The following IFI44L variants were observed in gnomAD, a reference collection of about 807,000 sequenced individuals.
IFI44L encodes the protein interferon-induced protein 44-like.
A neutral mutation model predicts 39.3 loss-of-function variants in IFI44L; 40 were observed. That is an observed-to-expected ratio of 1.02 (90% CI 0.79 to 1.33). IFI44L has a LOEUF of 1.33. IFI44L is among the 40% of genes most tolerant of loss of function. IFI44L has a pLI of 0.00. For missense variants in IFI44L, 623 were observed against 549.0 expected (o/e 1.13, Z -1.35); for synonymous variants, 198 against 182.3 (o/e 1.09, Z -0.69).
At chr1:78,635,967 C>CT (rs772798804) in intron 5 of IFI44L, 3,415 of 122,926 alleles carry the variant, frequency 0.028, 76 homozygotes, top group African/African-American at 0.072. Flanking sequence ...CTCTCTCGGT[C>CT]TTTTTTTTTT....
intron 1 of IFI44L, among the ~76,000 whole-genome samples, chr1:78,625,182 A>G (rs1472745184): frequency 6.6e-6 from 1 of 151,588 alleles, no homozygotes; most frequent in Non-Finnish European, 1.5e-5. Context: ...AGGTTTTGGT[A>G]TCTAAGTTAT....
At chr1:78,638,961 C>CT (rs1653052006) in intron 6 of IFI44L, among the ~76,000 whole-genome samples, 1 of 151,986 alleles carries the variant, frequency 6.6e-6, no homozygotes, top group Non-Finnish European at 1.5e-5. Flanking sequence ...CAAACATATT[C>CT]TGATACTGGT....
At chr1:78,622,896 G>A (rs1481047392) in intron 1 of IFI44L, among the ~76,000 whole-genome samples, 1 of 152,198 alleles carries the variant, frequency 6.6e-6, no homozygotes, top group African/African-American at 2.4e-5. Context: ...AGAAGAGTCT[G>A]CAGCTGTGGC....
chr1:78,625,938 CT>C (rs1195601195), intron 1 of IFI44L: 2 of 151,604 alleles, frequency 1.3e-5, no homozygotes, highest in Non-Finnish European at 3.0e-5. Flanking sequence ...TACTAGTTAT[CT>C]TCTTGTTAAA....
Position 78,635,508 on chromosome 1 carries a change from C to A in IFI44L, c.876+19C>A, listed in dbSNP as rs752483169. 1 of 1,598,258 alleles carries A rather than the reference C, an allele frequency of 6.3e-7. No homozygotes were observed. Among genetic ancestry groups the A allele is most frequent in the Non-Finnish European group, 8.5e-7 (1 of 1,173,468 alleles). On this transcript the variant is annotated intron_variant, in intron 5 of 8. Transcript: ENST00000370751. ...ATATCAGGTAAGATTTCTTCAATAT[C>A]CAAAACATTTCAAATCATTTTCTTC...
At chr1:78,628,870 T>C (rs1250280791) in intron 2 of IFI44L, 81 bp from the exon 3 acceptor site, 3 of 936,338 alleles carry the variant, frequency 3.2e-6, no homozygotes, top group African/African-American at 1.7e-5. Context: ...GAAAACTCCA[T>C]GTCTTATTTC....
intron 4 of IFI44L, among the ~76,000 whole-genome samples, chr1:78,632,793 A>G (rs1358795578): frequency 6.6e-6 from 1 of 152,216 alleles, no homozygotes; most frequent in East Asian, 1.9e-4. Context: ...TTACAGTTAT[A>G]TTCTTTAATC....
chr1:78,623,396 G>T (rs538662912), intron 1 of IFI44L, among the ~76,000 whole-genome samples: 2,674 of 120,338 alleles, frequency 0.022, 49 homozygotes, highest in African/African-American at 0.058. Flanking sequence ...AGTGTTTTTT[G>T]TTTTTTTTTT....
chr1:78,625,742 A>G (rs1017411675), intron 1 of IFI44L: 6 of 151,842 alleles, frequency 4.0e-5, no homozygotes, highest in Non-Finnish European at 7.4e-5. Flanking sequence ...TATATAATTA[A>G]TTTTCAGCCT....
intron 1 of IFI44L, chr1:78,627,075 A>G (rs922591591): frequency 1.3e-5 from 2 of 152,012 alleles, no homozygotes; most frequent in Admixed American, 6.6e-5. Context: ...ACTTTGCTTA[A>G]CTTTTCAGCA....
chr1:78,634,452 A>C (rs1185811317), intron 4 of IFI44L, among the ~76,000 whole-genome samples: 1 of 152,152 alleles, frequency 6.6e-6, no homozygotes, highest in African/African-American at 2.4e-5. Flanking sequence ...AGAAACAAAC[A>C]AACCCATCCA....
rs771986508 is a variant in IFI44L, at chr1:78,629,807, A to C, written c.615A>C (p.Pro205=). 5 of 1,613,708 alleles carry C rather than the reference A, an allele frequency of 3.1e-6. No individual in the cohort carries two copies. In the Admixed American group the frequency reaches 6.7e-5, roughly 22 times the overall value. ...VSEIRILLVG[P]VGSGKSSFFN... is the part of the protein sequence containing the mutation. ...AAATTCGTATTCTTTTGGTGGGTCCAGTTGGGTCTGGAAAGTCCAGTTTTT... is the reference window on the plus strand; with the variant it reads ...AAATTCGTATTCTTTTGGTGGGTCCCGTTGGGTCTGGAAAGTCCAGTTTTT... Residue 205 remains proline (P), a synonymous_variant, in exon 4 of 9, where the codon CCA becomes CCC. Coordinates refer to ENST00000370751, the MANE Select transcript of IFI44L (RefSeq NM_006820.4).
intron 1 of IFI44L, among the ~76,000 whole-genome samples, chr1:78,623,158 A>G (rs953947923): frequency 1.3e-5 from 2 of 152,176 alleles, no homozygotes; most frequent in African/African-American, 4.8e-5. Context: ...TTCCTTTATA[A>G]TTCAGGTACC....
At chr1:78,623,823 G>T (rs1423072457) in intron 1 of IFI44L, among the ~76,000 whole-genome samples, 1 of 152,118 alleles carries the variant, frequency 6.6e-6, no homozygotes, top group Non-Finnish European at 1.5e-5. Flanking sequence ...GAAGAAGATG[G>T]ATACTCCAGC....
At chr1:78,631,208 G>A (rs772674838) in intron 4 of IFI44L, among the ~76,000 whole-genome samples, 2 of 152,106 alleles carry the variant, frequency 1.3e-5, no homozygotes, top group African/African-American at 4.8e-5. Flanking sequence ...TTGCTTAAAA[G>A]ACTCTTTCCT....
intron 1 of IFI44L, chr1:78,626,934 A>G (rs1652512214): frequency 6.6e-6 from 1 of 152,002 alleles, no homozygotes; most frequent in South Asian, 2.1e-4. Flanking sequence ...GTGAGAGCAT[A>G]TGGTTTTTGG....
At chr1:78,640,557 T>G (rs2100395047) in intron 6 of IFI44L, among the ~76,000 whole-genome samples, 1 of 152,266 alleles carries the variant, frequency 6.6e-6, no homozygotes, top group South Asian at 2.1e-4. Flanking sequence ...TTTGATTTGT[T>G]TAGAAGTCAA....
rs377033592 is a variant in IFI44L at position 78,628,948 on chromosome 1, T to C, written c.479-3T>C. On this transcript the variant is annotated splice_polypyrimidine_tract_variant and splice_region_variant and intron_variant, in intron 2 of 8. Transcript: ENST00000370751. Reference sequence around the variant, plus strand: ...TGTATTATGCTATGTTTATTTCCTATAGGAATTAAGGATAACCTAGACGAC... The same window carrying C: ...TGTATTATGCTATGTTTATTTCCTACAGGAATTAAGGATAACCTAGACGAC... The C allele has an allele frequency of 2.6e-6, 4 of 1,542,422 alleles. No individual in the cohort carries two copies. The African/African-American group carries it at 4.1e-5, about 16-fold the overall frequency.
chr1:78,627,825 C>A, intron 1 of IFI44L, 81 bp from the exon 2 acceptor site: 1 of 730,556 alleles, frequency 1.4e-6, no homozygotes, highest in Non-Finnish European at 2.0e-6. Flanking sequence ...ATAAAGAACT[C>A]ACTGAAAGTA....
Sources: allele counts gnomAD v4.1 joint callset (sites outside exome capture counted in the v4.1 genomes callset), GRCh38; gene constraint gnomAD v4.1.1; transcripts MANE v1.5; gene names NCBI Gene and HGNC (gene_info 2026-07-23, HGNC 2026-07-21).